ARHGAP15: variants seen among roughly 807,000 people sequenced by gnomAD.
ARHGAP15 encodes the protein Rho GTPase activating protein 15, also known as rho GTPase-activating protein 15.
In ARHGAP15, 51 loss-of-function variants were observed where a neutral mutation model predicts 63.7. The observed-to-expected ratio is 0.80, with a 90% CI of 0.64 to 1.01. The LOEUF (loss-of-function observed/expected upper bound fraction) is 1.01, where lower values mean the gene tolerates loss of function less well. Among genes scored for constraint, ARHGAP15 ranks in the 50% least tolerant of loss-of-function variants. The pLI is 0.00. For missense variants in ARHGAP15, 560 were observed against 564.6 expected, an observed-to-expected ratio of 0.99 and a Z score of 0.08; for synonymous variants, 191 against 193.8, an observed-to-expected ratio of 0.99 and a Z score of 0.12.
At chr2:143,543,395 T>C (rs1695189445) in intron 10 of ARHGAP15, among the ~76,000 whole-genome samples, 1 of 152,046 alleles carries the variant, frequency 6.6e-6, no homozygotes, top group Non-Finnish European at 1.5e-5. Flanking sequence ...TGGGCTCAGG[T>C]TGTTTTTTGG....
At chr2:143,257,314 T>C (rs555810355) in intron 6 of ARHGAP15, among the ~76,000 whole-genome samples, 1 of 152,302 alleles carries the variant, frequency 6.6e-6, no homozygotes, top group African/African-American at 2.4e-5. Context: ...TAGTACATTT[T>C]GGTCCCCAAT....
chr2:143,406,704 G>A (rs1004402354), intron 6 of ARHGAP15, among the ~76,000 whole-genome samples: 8 of 151,724 alleles, frequency 5.3e-5, no homozygotes, highest in Non-Finnish European at 1.0e-4. Flanking sequence ...CTACTTCTAT[G>A]GTAGCACTAG....
At chr2:143,389,253 G>A (rs1574377158) in intron 6 of ARHGAP15, among the ~76,000 whole-genome samples, 2 of 152,008 alleles carry the variant, frequency 1.3e-5, no homozygotes, top group African/African-American at 4.8e-5. Context: ...AGATGGGCAG[G>A]TGAAAATGTG....
chr2:143,230,552 G>T (rs1410634743), intron 5 of ARHGAP15, among the ~76,000 whole-genome samples: 4 of 152,126 alleles, frequency 2.6e-5, no homozygotes, highest in African/African-American at 9.7e-5. Flanking sequence ...TGCTCTTATG[G>T]TTTCTACCAG....
At chr2:143,250,784 T>C (rs1330410531) in intron 6 of ARHGAP15, among the ~76,000 whole-genome samples, 184 bp downstream of exon 6, 1 of 152,044 alleles carries the variant, frequency 6.6e-6, no homozygotes, top group Non-Finnish European at 1.5e-5. Context: ...TTCTGGCGAC[T>C]GGTTGCTATC....
At chr2:143,672,084 G>A (rs1449122513) in intron 12 of ARHGAP15, among the ~76,000 whole-genome samples, 5 of 152,032 alleles carry the variant, frequency 3.3e-5, no homozygotes, top group Non-Finnish European at 5.9e-5. Context: ...TATAACTTAG[G>A]TCCTGTCATG....
chr2:143,397,138 T>C (rs925979171), intron 6 of ARHGAP15, among the ~76,000 whole-genome samples: 1 of 152,122 alleles, frequency 6.6e-6, no homozygotes, highest in Non-Finnish European at 1.5e-5. Context: ...TGGAAGTAGA[T>C]CCAGATTCAT....
intron 6 of ARHGAP15, among the ~76,000 whole-genome samples, chr2:143,252,276 G>A (rs1680194371): frequency 6.6e-6 from 1 of 151,944 alleles, no homozygotes; most frequent in South Asian, 2.1e-4. Flanking sequence ...ATATAACTAT[G>A]AACATTATAT....
intron 13 of ARHGAP15, among the ~76,000 whole-genome samples, chr2:143,715,581 T>C (rs774599667): frequency 1.4e-4 from 22 of 152,236 alleles, no homozygotes; most frequent in Admixed American, 3.9e-4. Context: ...TTTGTTTTTC[T>C]TGTAAATTCG....
chr2:143,758,182 A>G (rs1686643783), intron 13 of ARHGAP15, among the ~76,000 whole-genome samples: 1 of 151,894 alleles, frequency 6.6e-6, no homozygotes, highest in Non-Finnish European at 1.5e-5. Flanking sequence ...TGCCCGTGAT[A>G]TATAGTTAAG....
intron 10 of ARHGAP15, among the ~76,000 whole-genome samples, chr2:143,534,778 G>A (rs1310717109): frequency 5.3e-5 from 8 of 151,952 alleles, no homozygotes; most frequent in Non-Finnish European, 1.0e-4. Context: ...AGCTACTTGA[G>A]AGCCTGAGGT....
chr2:143,663,135 G>A (rs1681922494), intron 12 of ARHGAP15, among the ~76,000 whole-genome samples: 1 of 116,798 alleles, frequency 8.6e-6, no homozygotes, highest in Non-Finnish European at 1.8e-5. Context: ...AAGTTGAAAT[G>A]AAGGAAAAAA....
chr2:143,225,817 A>T (rs1693190102), intron 4 of ARHGAP15, among the ~76,000 whole-genome samples: 2 of 152,190 alleles, frequency 1.3e-5, no homozygotes, highest in African/African-American at 4.8e-5. Context: ...CATAAACTAG[A>T]TGATCAGGTT....
intron 12 of ARHGAP15, among the ~76,000 whole-genome samples, chr2:143,683,235 AGG>A (rs1683186644): frequency 6.6e-6 from 1 of 152,154 alleles, no homozygotes; most frequent in Non-Finnish European, 1.5e-5. Flanking sequence ...ATTTAAATTG[AGG>A]TGCAAGAGCA....
intron 6 of ARHGAP15, among the ~76,000 whole-genome samples, chr2:143,319,371 C>G (rs116675547): frequency 2.6e-5 from 4 of 151,756 alleles, no homozygotes; most frequent in African/African-American, 9.7e-5. Context: ...ATTACAGGCG[C>G]GCATCACCAT....
At chr2:143,168,780 AATTATCATCATTTACTTTAC>A (rs1690650036) in intron 2 of ARHGAP15, among the ~76,000 whole-genome samples, 2 of 152,030 alleles carry the variant, frequency 1.3e-5, no homozygotes, top group Non-Finnish European at 2.9e-5. Flanking sequence ...CTAGTCATCT[AATTATCATCATTTACTTTAC>A]ATTCTCACTA....
intron 9 of ARHGAP15, among the ~76,000 whole-genome samples, chr2:143,509,367 A>T (rs1693474960): frequency 1.3e-5 from 2 of 151,848 alleles, no homozygotes; most frequent in African/African-American, 4.8e-5. Flanking sequence ...AGGCAATGAG[A>T]GAGGTTTACT....
At chr2:143,314,876 CTT>C (rs1488358697) in intron 6 of ARHGAP15, among the ~76,000 whole-genome samples, 1 of 152,110 alleles carries the variant, frequency 6.6e-6, no homozygotes, top group Non-Finnish European at 1.5e-5. Flanking sequence ...AGTTAAAACA[CTT>C]TGACAAATCA....
At chr2:143,259,414 A>G (rs1184149859) in intron 6 of ARHGAP15, among the ~76,000 whole-genome samples, 1 of 152,218 alleles carries the variant, frequency 6.6e-6, no homozygotes, top group East Asian at 1.9e-4. Flanking sequence ...ATTGAACCCC[A>G]CAAAATGTAA....
Sources: gnomAD v4.1 joint callset for allele counts (sites outside exome capture counted in the v4.1 genomes callset) on GRCh38, gnomAD v4.1.1 for gene constraint, MANE v1.5 for transcripts, NCBI Gene and HGNC (gene_info 2026-07-23, HGNC 2026-07-21) for gene names.